The following ENOX1 variants were observed in gnomAD, a reference collection of about 807,000 sequenced individuals.
The protein encoded by ENOX1 is ecto-NOX disulfide-thiol exchanger 1.
In ENOX1, 42 loss-of-function variants were observed where a neutral mutation model predicts 82.5. The observed-to-expected ratio is 0.51, with a 90% CI of 0.40 to 0.66. The LOEUF is 0.66. ENOX1 is among the 30% of genes least tolerant of loss of function. The pLI is 0.00. For missense variants in ENOX1, 608 were observed against 811.6 expected, an observed-to-expected ratio of 0.75 and a Z score of 3.05; for synonymous variants, 271 against 282.2, an observed-to-expected ratio of 0.96 and a Z score of 0.40.
chr13:43,365,975 A>G (rs1262765161), intron 5 of ENOX1, among the ~76,000 whole-genome samples: 1 of 152,366 alleles, frequency 6.6e-6, no homozygotes, highest in South Asian at 2.1e-4. Flanking sequence ...TTACTGGGTT[A>G]AAATTACTGA....
At chr13:43,739,825 G>C (rs1248053704) in intron 1 of ENOX1, among the ~76,000 whole-genome samples, 1 of 151,932 alleles carries the variant, frequency 6.6e-6, no homozygotes, top group African/African-American at 2.4e-5. Context: ...ATTTTCTTCT[G>C]CCTCTGCCAC....
At position 43,283,616 on chromosome 13, in the gene ENOX1, A is replaced by ATT. The variant is rs111677774; in HGVS notation, c.1447-14041_1447-14040dup. Among the ~76,000 whole-genome samples, 16 of 144,102 alleles carry ATT rather than the reference A, an allele frequency of 1.1e-4. No individual in the cohort carries two copies. The East Asian group carries it at 1.2e-3, about 11-fold the overall frequency. 94.5% of individuals were successfully genotyped at this position (144,102 alleles called of 152,430 possible). On this transcript the variant is annotated intron_variant, in intron 12 of 16. Transcript: ENST00000690772. ...ACGTGCTACTATGCCTAGCTAATTA[A>ATT]TTTTTTTTTTTTTTGTACAGATGGG... is the stretch of plus-strand genomic sequence containing the variant.
chr13:43,247,862 TATATATATA>T (rs1566329505), intron 14 of ENOX1, among the ~76,000 whole-genome samples: 28 of 3,472 alleles, frequency 8.1e-3, no homozygotes, highest in East Asian at 0.053. Flanking sequence ...TATATATATA[TATATATATA>T]TATATATATA....
At chr13:43,566,518 C>T (rs1479721533) in intron 2 of ENOX1, among the ~76,000 whole-genome samples, 1 of 151,894 alleles carries the variant, frequency 6.6e-6, no homozygotes, top group East Asian at 1.9e-4. Flanking sequence ...TTGGAATATA[C>T]AAATTGTTAT....
chr13:43,728,735 T>A (rs1274104980), intron 1 of ENOX1, among the ~76,000 whole-genome samples: 1 of 152,234 alleles, frequency 6.6e-6, no homozygotes, highest in Non-Finnish European at 1.5e-5. Context: ...GTAAGTAGTA[T>A]TTCCCAAGAC....
chr13:43,614,128 T>C (rs2082309473), intron 2 of ENOX1, among the ~76,000 whole-genome samples: 1 of 152,178 alleles, frequency 6.6e-6, no homozygotes. Flanking sequence ...ATAGCATTTA[T>C]TGGAAATCAG....
chr13:43,632,941 AT>A (rs2078208423), intron 2 of ENOX1, among the ~76,000 whole-genome samples: 1 of 152,132 alleles, frequency 6.6e-6, no homozygotes, highest in South Asian at 2.1e-4. Context: ...CTGGAGGTGT[AT>A]CATATATTTA....
At chr13:43,520,870 T>C (rs1289130228) in intron 2 of ENOX1, among the ~76,000 whole-genome samples, 1 of 152,070 alleles carries the variant, frequency 6.6e-6, no homozygotes, top group Non-Finnish European at 1.5e-5. Flanking sequence ...CTATTTAAGA[T>C]CAGTGGTGGT....
At chr13:43,308,633 C>T (rs973944571) in intron 11 of ENOX1, among the ~76,000 whole-genome samples, 1 of 152,200 alleles carries the variant, frequency 6.6e-6, no homozygotes, top group Non-Finnish European at 1.5e-5. Context: ...CCTCACATTA[C>T]AGGCCAGTGG....
At chr13:43,381,147 T>C (rs1365351598) in intron 5 of ENOX1, among the ~76,000 whole-genome samples, 2 of 151,816 alleles carry the variant, frequency 1.3e-5, no homozygotes, top group Admixed American at 6.6e-5. Flanking sequence ...AGATTGGCCA[T>C]ATTCTGGGCA....
chr13:43,220,088 A>C (rs1159344820), intron 16 of ENOX1, among the ~76,000 whole-genome samples: 1 of 152,216 alleles, frequency 6.6e-6, no homozygotes, highest in African/African-American at 2.4e-5. Context: ...GGAGGAAGGA[A>C]GGGAGAAAGA....
intron 1 of ENOX1, among the ~76,000 whole-genome samples, chr13:43,687,498 C>T (rs1385863058): frequency 6.6e-6 from 1 of 152,154 alleles, no homozygotes; most frequent in Non-Finnish European, 1.5e-5. Flanking sequence ...CCCACTTGTA[C>T]CCACCAAGCC....
intron 3 of ENOX1, among the ~76,000 whole-genome samples, chr13:43,470,069 C>T (rs2153645396): frequency 6.6e-6 from 1 of 150,954 alleles, no homozygotes; most frequent in Non-Finnish European, 1.5e-5. Flanking sequence ...AATATCCATA[C>T]AGAAAATAAA....
At chr13:43,418,247 G>A (rs2054751622) in intron 3 of ENOX1, among the ~76,000 whole-genome samples, 1 of 151,824 alleles carries the variant, frequency 6.6e-6, no homozygotes, top group South Asian at 2.1e-4. Flanking sequence ...GTAATTTAAG[G>A]CTGGGCGCAG....
At chr13:43,250,495 C>A (rs939427004) in intron 14 of ENOX1, among the ~76,000 whole-genome samples, 1 of 152,184 alleles carries the variant, frequency 6.6e-6, no homozygotes, top group African/African-American at 2.4e-5. Flanking sequence ...GGTCCACTGA[C>A]TTTTTTTGCA....
chr13:43,719,417 C>T (rs2088406328), intron 1 of ENOX1, among the ~76,000 whole-genome samples: 2 of 151,828 alleles, frequency 1.3e-5, no homozygotes, highest in Non-Finnish European at 2.9e-5. Context: ...CTAGCCTGCC[C>T]TTCTGCCTGG....
intron 2 of ENOX1, among the ~76,000 whole-genome samples, chr13:43,556,206 AAAG>A (rs1486786141): frequency 6.8e-6 from 1 of 147,828 alleles, no homozygotes; most frequent in African/African-American, 2.5e-5. Flanking sequence ...CAAGCAACTA[AAAG>A]AAGTTACTAG....
chr13:43,673,175 G>GTA (rs58874702), intron 1 of ENOX1, among the ~76,000 whole-genome samples: 49,276 of 148,680 alleles, frequency 0.33, 8,304 homozygotes, highest in African/African-American at 0.44. Context: ...TTGCATGTGT[G>GTA]TATATATATA....
At chr13:43,557,344 T>C (rs545030278) in intron 2 of ENOX1, among the ~76,000 whole-genome samples, 2 of 152,120 alleles carry the variant, frequency 1.3e-5, no homozygotes, top group African/African-American at 2.4e-5. Flanking sequence ...CTGTTTCTTA[T>C]AGAAAAGGGG....
Sources: gnomAD v4.1 joint callset for allele counts (sites outside exome capture counted in the v4.1 genomes callset) on GRCh38, gnomAD v4.1.1 for gene constraint, MANE v1.5 for transcripts, NCBI Gene and HGNC (gene_info 2026-07-23, HGNC 2026-07-21) for gene names.